PRPF8: variants seen among roughly 807,000 people sequenced by gnomAD.
PRPF8 encodes pre-mRNA processing factor 8.
In PRPF8, 64 loss-of-function variants were observed where a neutral mutation model predicts 285.9. The observed-to-expected ratio is 0.22, with a 90% CI of 0.18 to 0.28. The LOEUF is 0.28. PRPF8 is among the 10% of genes least tolerant of loss of function. The pLI, the probability that PRPF8 is intolerant of heterozygous loss-of-function variation, is 1.00. For synonymous variants in PRPF8, 1,325 were observed against 1,118.2 expected (o/e 1.18, Z -3.69); for missense variants, 1,426 against 3,026.7 (o/e 0.47, Z 12.41).
At chr17:1,680,491 C>T (rs1912853562) in intron 8 of PRPF8, 3 of 601,736 alleles carry the variant, frequency 5.0e-6, no homozygotes, top group South Asian at 1.9e-5. Flanking sequence ...GACAGATTAT[C>T]TAGAGCACCC....
intron 13 of PRPF8, 128 bp from the exon 14 acceptor site, chr17:1,677,822 G>C (rs1240141552): frequency 8.0e-7 from 1 of 1,249,606 alleles, no homozygotes; most frequent in East Asian, 2.4e-5. Flanking sequence ...GCAGTAGAGG[G>C]GTAAAAAGAA....
chr17:1,681,082 A>G, intron 6 of PRPF8, 28 bp from the exon 7 acceptor site: 2 of 1,599,146 alleles, frequency 1.3e-6, no homozygotes, highest in Non-Finnish European at 1.7e-6. Context: ...GAATAAGCAG[A>G]CTTTTTTTTT....
intron 36 of PRPF8, 30 bp from the exon 37 acceptor site, chr17:1,655,573 G>A (rs1349520949): frequency 1.5e-5 from 24 of 1,567,300 alleles, no homozygotes; most frequent in Non-Finnish European, 1.9e-5. Context: ...AGTGGGGTAG[G>A]TCAGCTGCTT....
At position 1,674,318 on chromosome 17, in the gene PRPF8, G is replaced by C. The variant is rs140662687; in HGVS notation, c.3299+124C>G. The C allele has an allele frequency of 2.4e-3, 2,508 of 1,036,950 alleles. 44 individuals are homozygous for C. In the African/African-American group the frequency reaches 0.035, roughly 14 times the overall value. The allele number at this position is 1,036,950 out of a possible 1,614,324, so 64.2% of individuals were successfully genotyped here. On this transcript the variant is annotated intron_variant, in intron 21 of 42. Transcript: ENST00000304992. ...ATTACAGGCGTGAGCTACCGCACCCGGCCGCTTCATTCCATTTTAAAGCCC... is the reference window on the plus strand; with the variant it reads ...ATTACAGGCGTGAGCTACCGCACCCCGCCGCTTCATTCCATTTTAAAGCCC...
At position 1,677,578 on chromosome 17, in the gene PRPF8, G is replaced by A; in HGVS notation, c.1971C>T (p.Ala657=). 1.2e-6 allele frequency: 2 copies of A among 1,613,930 alleles called. No homozygotes were observed. The highest frequency in any genetic ancestry group is 1.7e-5 in the Admixed American group (1 of 59,964). The change falls in exon 14 of 43, where the codon GCC becomes GCT. Residue 657 remains alanine, a synonymous_variant. Transcript: ENST00000304992. ...AAAACCACTCACCTTCAAACTGCCG[G>A]GCCAGGAGGTTGCCAAGCCATCGCT... The part of the protein sequence containing the change: ...LLERWLGNLL[A]RQFEGRHSKG...
chr17:1,655,125 CTT>C (rs1911292350), intron 37 of PRPF8: 3 of 541,378 alleles, frequency 5.5e-6, no homozygotes, highest in Non-Finnish European at 1.0e-5. Context: ...ACCCGGCTAA[CTT>C]TTGTATTTTT....
Position 1,676,923 on chromosome 17 carries a change from T to A in PRPF8, c.2181+53A>T, listed in dbSNP as rs922360460. On this transcript the variant is annotated intron_variant, in intron 15 of 42. Transcript: ENST00000304992. The surrounding 1 kb of genome is among the most constrained non-coding windows in gnomAD (Gnocchi z 6.3). ...CCCCTAATGATTCCCGAAGTGGTAA[T>A]CCTACCCTAAAGACGGATGTTTACG... The A allele has an allele frequency of 1.2e-6, 2 of 1,601,490 alleles. No individual in the cohort carries two copies. Among genetic ancestry groups the A allele is most frequent in the Non-Finnish European group, 1.7e-6 (2 of 1,172,786 alleles).
At chr17:1,664,426 A>G (rs1265352490) in intron 24 of PRPF8, among the ~76,000 whole-genome samples, 1 of 152,172 alleles carries the variant, frequency 6.6e-6, no homozygotes, top group Non-Finnish European at 1.5e-5. Flanking sequence ...AAAACACTCA[A>G]CCTAACAATA....
chr17:1,661,866 T>G lies in PRPF8; in HGVS notation c.4022+40A>C. The G allele has an allele frequency of 6.2e-7, 1 of 1,614,192 alleles. No homozygotes were observed. The highest frequency in any genetic ancestry group is 8.5e-7 in the Non-Finnish European group (1 of 1,180,036). ...AGAAATACCCACTTCCCTTAGGGCC[T>G]GAGCAATAGGGTTTAGAAATACGTT... On this transcript the variant is annotated intron_variant, in intron 25 of 42. Transcript: ENST00000304992. The surrounding 1 kb of genome is among the most constrained non-coding windows in gnomAD (Gnocchi z 7.3).
At chr17:1,682,088 A>G (rs1912962694) in intron 4 of PRPF8, 41 bp downstream of exon 4, 1 of 1,593,302 alleles carries the variant, frequency 6.3e-7, no homozygotes, top group South Asian at 1.1e-5. Flanking sequence ...CCTCCCAACC[A>G]CCACCACCAC....
Position 1,661,500 on chromosome 17 carries a change from C to G in PRPF8, c.4203-94G>C. On this transcript the variant is annotated intron_variant, in intron 26 of 42. Transcript: ENST00000304992. This position sits in a 1 kb window ranked among gnomAD's most constrained non-coding sequence, Gnocchi z 7.3. The stretch of plus-strand genomic sequence containing the variant: ...CAAAAATAATTAGGGTCAGTAGAAC[C>G]AGCCTTCTCACCTCCATACAACCAT... The G allele has an allele frequency of 6.2e-7, 1 of 1,608,646 alleles. No individual in the cohort carries two copies. Among genetic ancestry groups the G allele is most frequent in the Admixed American group, 1.7e-5 (1 of 59,852 alleles).
intron 24 of PRPF8, among the ~76,000 whole-genome samples, chr17:1,665,131 G>C (rs2151119050): frequency 7.3e-6 from 1 of 137,290 alleles, no homozygotes; most frequent in Non-Finnish European, 1.5e-5. Context: ...CTGCACTCTA[G>C]CCCGGGCGAA....
intron 3 of PRPF8, among the ~76,000 whole-genome samples, chr17:1,682,831 G>C (rs1256139169): frequency 6.6e-6 from 1 of 152,118 alleles, no homozygotes; most frequent in Non-Finnish European, 1.5e-5. Context: ...ATCTGTACCT[G>C]TACTAGCCCA....
At chr17:1,669,626 A>G (rs191380985) in intron 24 of PRPF8, among the ~76,000 whole-genome samples, 2 of 152,170 alleles carry the variant, frequency 1.3e-5, no homozygotes, top group African/African-American at 4.8e-5. Flanking sequence ...TTCCATCCCT[A>G]CTATTTCTGT....
chr17:1,656,849 A>G (rs1179405198), intron 34 of PRPF8, 88 bp from the exon 35 acceptor site: 12 of 1,181,112 alleles, frequency 1.0e-5, no homozygotes, highest in Non-Finnish European at 1.5e-5. Context: ...GAAATAATCC[A>G]ACTACGTTTC....
intron 30 of PRPF8, 128 bp downstream of exon 30, chr17:1,660,304 C>T: frequency 6.6e-7 from 1 of 1,521,396 alleles, no homozygotes; most frequent in South Asian, 1.2e-5. Flanking sequence ...ACGATTCCAC[C>T]TGAGCTGACT....
At position 1,676,632 on chromosome 17, in the gene PRPF8, G is replaced by A; in HGVS notation, c.2261C>T (p.Ala754Val). The change falls in exon 16 of 43, where the codon GCC becomes GTC. Residue 754 changes from alanine (A) to valine (V), a missense_variant. By Grantham distance (64) the Ala-to-Val change is moderately conservative. Transcript: ENST00000304992. The surrounding 1 kb of genome is among the most constrained non-coding windows in gnomAD (Gnocchi z 6.3). The part of the protein sequence containing the change: ...KAKADWWTNT[A>V]HYNRERIRRG... ...GCGGATCCGTTCTCGGTTGTAGTGG[G>A]CAGTGTTGGTCCACCAGTCAGCCTT... is the stretch of plus-strand genomic sequence containing the variant. 1 of 1,614,162 alleles carries A rather than the reference G, an allele frequency of 6.2e-7. No homozygotes were observed. Among genetic ancestry groups the A allele is most frequent in the Non-Finnish European group, 8.5e-7 (1 of 1,180,032 alleles).
Position 1,684,566 on chromosome 17 carries a change from G to A in PRPF8, c.6C>T (p.Ala2=), listed in dbSNP as rs2151133814. The A allele has an allele frequency of 1.2e-6, 2 of 1,612,484 alleles. No homozygotes were observed. The highest frequency in any genetic ancestry group is 8.5e-7 in the Non-Finnish European group (1 of 1,179,856). Residue 2 remains alanine, a synonymous_variant, in exon 2 of 43, where the codon GCC becomes GCT. Transcript: ENST00000304992. M[A]GVFPYRGPGN... ...CCGGCCCTCGATAAGGAAACACTCCGGCCATATCCGGAGAATCTGGGGAGC... is the reference window on the plus strand; with the variant it reads ...CCGGCCCTCGATAAGGAAACACTCCAGCCATATCCGGAGAATCTGGGGAGC...
Position 1,658,130 on chromosome 17 carries a change from G to T in PRPF8, c.5505+123C>A. On this transcript the variant is annotated intron_variant, in intron 34 of 42. Coordinates refer to ENST00000304992, the MANE Select transcript of PRPF8 (RefSeq NM_006445.4). The surrounding 1 kb of genome is among the most constrained non-coding windows in gnomAD (Gnocchi z 4.1). ...ACAGAATACTTCCCAAGGTATTTTG[G>T]GGATAAGTTCAAATGAGATGTTCTC... The T allele has an allele frequency of 7.0e-7, 1 of 1,425,576 alleles. No individual in the cohort carries two copies. Among genetic ancestry groups the T allele is most frequent in the Non-Finnish European group, 9.7e-7 (1 of 1,029,272 alleles). 88.3% of individuals were successfully genotyped at this position (1,425,576 alleles called of 1,614,324 possible). A position where few individuals can be genotyped will look rare whatever the true frequency, so the allele number is the denominator to read the frequency against.
Sources: gnomAD v4.1 joint callset for allele counts (sites outside exome capture counted in the v4.1 genomes callset) on GRCh38, gnomAD v4.1.1 for gene constraint, Gnocchi (gnomAD v3.1) non-coding constraint, MANE v1.5 for transcripts, NCBI Gene and HGNC (gene_info 2026-07-23, HGNC 2026-07-21) for gene names.